Variants in VEGFC observed in about 807,000 individuals in gnomAD.
The protein encoded by VEGFC is FLT4 ligand DHM.
Under a neutral mutation model 46.1 loss-of-function variants are expected in VEGFC, and 12 were observed. The ratio of observed to expected loss-of-function variants is 0.26; its 90% confidence interval spans 0.17 to 0.42. The LOEUF (loss-of-function observed/expected upper bound fraction) is 0.42. VEGFC is among the 10% of genes least tolerant of loss of function. The pLI is 1.00. For synonymous variants in VEGFC, 232 were observed against 195.5 expected, an observed-to-expected ratio of 1.19 and a Z score of -1.56; for missense variants, 488 against 529.4, an observed-to-expected ratio of 0.92 and a Z score of 0.77.
At chr4:176,690,724 G>A (rs1252775640) in intron 4 of VEGFC, among the ~76,000 whole-genome samples, 1 of 147,338 alleles carries the variant, frequency 6.8e-6, no homozygotes, top group Non-Finnish European at 1.5e-5. Context: ...AATTAATCCT[G>A]GCTGCATGAA....
At chr4:176,767,862 A>T (rs1209864642) in intron 1 of VEGFC, among the ~76,000 whole-genome samples, 1 of 152,168 alleles carries the variant, frequency 6.6e-6, no homozygotes, top group African/African-American at 2.4e-5. Context: ...TGAGACTGGT[A>T]AACAGAACGC....
intron 4 of VEGFC, among the ~76,000 whole-genome samples, chr4:176,696,861 C>G (rs1281442673): frequency 2.0e-5 from 3 of 152,028 alleles, no homozygotes; most frequent in African/African-American, 7.3e-5. Flanking sequence ...TTTGACAAAC[C>G]TGAGAAAAAC....
At chr4:176,691,172 G>A (rs1266121369) in intron 4 of VEGFC, among the ~76,000 whole-genome samples, 3 of 152,126 alleles carry the variant, frequency 2.0e-5, no homozygotes, top group African/African-American at 4.8e-5. Context: ...TAGAATGAAA[G>A]GAAATGTGGT....
chr4:176,768,258 T>C (rs1735663204), intron 1 of VEGFC, among the ~76,000 whole-genome samples: 1 of 151,964 alleles, frequency 6.6e-6, no homozygotes, highest in East Asian at 1.9e-4. Context: ...TATGAAGATA[T>C]CTAGAACCAT....
intron 6 of VEGFC, among the ~76,000 whole-genome samples, chr4:176,684,732 G>T (rs1734007191): frequency 6.6e-6 from 1 of 152,064 alleles, no homozygotes; most frequent in Non-Finnish European, 1.5e-5. Flanking sequence ...GTGAATTGAG[G>T]CTTCATTTTT....
intron 1 of VEGFC, among the ~76,000 whole-genome samples, chr4:176,776,041 T>C (rs370684314): frequency 4.6e-5 from 7 of 152,128 alleles, no homozygotes; most frequent in African/African-American, 1.7e-4. Context: ...GCAAAGAATG[T>C]TAGGTTATAA....
At chr4:176,727,681 T>G in intron 3 of VEGFC, 97 bp downstream of exon 3, 2 of 1,293,616 alleles carry the variant, frequency 1.5e-6, no homozygotes, top group Non-Finnish European at 2.1e-6. Flanking sequence ...TGAACCAAGT[T>G]AGTTTAAAGC....
chr4:176,781,693 T>C (rs1735918765), intron 1 of VEGFC, among the ~76,000 whole-genome samples: 1 of 152,174 alleles, frequency 6.6e-6, no homozygotes, highest in African/African-American at 2.4e-5. Flanking sequence ...ATTCATCCAC[T>C]CTTGGGGCAG....
At chr4:176,779,659 C>T (rs2110941966) in intron 1 of VEGFC, among the ~76,000 whole-genome samples, 1 of 113,252 alleles carries the variant, frequency 8.8e-6, no homozygotes, top group South Asian at 4.1e-4. Flanking sequence ...GGAGACCATG[C>T]TCCTGGAATG....
At chr4:176,710,431 G>T (rs1299056844) in intron 4 of VEGFC, among the ~76,000 whole-genome samples, 9 of 152,126 alleles carry the variant, frequency 5.9e-5, no homozygotes, top group African/African-American at 2.2e-4. Context: ...AAAGGGGACA[G>T]ATCTCTGTCA....
chr4:176,721,200 T>C (rs1260121756), intron 3 of VEGFC, among the ~76,000 whole-genome samples: 1 of 152,120 alleles, frequency 6.6e-6, no homozygotes, highest in Non-Finnish European at 1.5e-5. Flanking sequence ...ATCCAGATCA[T>C]TGAGGGCCCA....
chr4:176,759,233 G>T (rs1379616931), intron 1 of VEGFC, among the ~76,000 whole-genome samples: 1 of 152,048 alleles, frequency 6.6e-6, no homozygotes, highest in African/African-American at 2.4e-5. Flanking sequence ...CAATTTGGGG[G>T]TTGAGCCCAT....
rs562862028 is a variant in VEGFC at position 176,786,290 on chromosome 4, A to C, written c.147+5875T>G. ...TTTCTCTTTGGTTTTCACACTTCCC[A>C]CCATGCTCCCTTCAGTTTCCCTTAA... On this transcript the variant is annotated intron_variant, in intron 1 of 6. Transcript: ENST00000618562. Among the ~76,000 whole-genome samples the C allele has an allele frequency of 3.3e-5, 5 of 152,284 alleles. No individual in the cohort carries two copies. The South Asian group carries it at 1.0e-3, about 32-fold the overall frequency.
At chr4:176,767,022 A>G (rs1158956559) in intron 1 of VEGFC, among the ~76,000 whole-genome samples, 1 of 151,358 alleles carries the variant, frequency 6.6e-6, no homozygotes, top group African/African-American at 2.4e-5. Context: ...AAAAGAAAGA[A>G]AGAAAGAAAA....
chr4:176,695,553 A>C (rs1172361915), intron 4 of VEGFC, among the ~76,000 whole-genome samples: 3 of 151,522 alleles, frequency 2.0e-5, no homozygotes, highest in African/African-American at 7.3e-5. Flanking sequence ...CAGAGGTACA[A>C]GGAGGAACTG....
intron 1 of VEGFC, among the ~76,000 whole-genome samples, chr4:176,789,528 C>T (rs908748978): frequency 6.6e-6 from 1 of 152,196 alleles, no homozygotes; most frequent in African/African-American, 2.4e-5. Flanking sequence ...TGTTGACAAA[C>T]ATAATCATAT....
intron 1 of VEGFC, among the ~76,000 whole-genome samples, chr4:176,732,217 T>C (rs576087373): frequency 6.6e-6 from 1 of 151,918 alleles, no homozygotes; most frequent in Non-Finnish European, 1.5e-5. Context: ...ACAAAGAAGG[T>C]GAACTGAATA....
intron 1 of VEGFC, among the ~76,000 whole-genome samples, chr4:176,785,223 T>C (rs1229014893): frequency 6.6e-6 from 1 of 152,178 alleles, no homozygotes; most frequent in Non-Finnish European, 1.5e-5. Flanking sequence ...GTAAATTAAA[T>C]TACAAAATAA....
intron 4 of VEGFC, among the ~76,000 whole-genome samples, chr4:176,694,084 T>G (rs1734261119): frequency 6.7e-6 from 1 of 149,728 alleles, no homozygotes; most frequent in Admixed American, 6.6e-5. Context: ...ATGAGCAAAA[T>G]AACCAGCTAA....
Sources: gnomAD v4.1 joint callset for allele counts (sites outside exome capture counted in the v4.1 genomes callset) on GRCh38, gnomAD v4.1.1 for gene constraint, MANE v1.5 for transcripts, NCBI Gene and HGNC (gene_info 2026-07-23, HGNC 2026-07-21) for gene names.